ABCC1: variants seen among roughly 807,000 people sequenced by gnomAD.
ABCC1 encodes ATP binding cassette subfamily C member 1 (ABCC1 blood group).
In ABCC1, 83 loss-of-function variants were observed where a neutral mutation model predicts 172.9. That is an observed-to-expected ratio of 0.48 (90% CI 0.40 to 0.58). The LOEUF (loss-of-function observed/expected upper bound fraction) is 0.58. Ranked by LOEUF, ABCC1 falls within the 20% of genes least tolerant of loss-of-function variation. ABCC1 has a pLI of 0.00. For missense variants in ABCC1, 1,817 were observed against 2,002.7 expected (o/e 0.91, Z 1.77); for synonymous variants, 937 against 825.2 (o/e 1.14, Z -2.32).
chr16:16,113,821 C>A (rs545994896), intron 22 of ABCC1, among the ~76,000 whole-genome samples: 2 of 152,124 alleles, frequency 1.3e-5, no homozygotes, highest in Non-Finnish European at 2.9e-5. Flanking sequence ...GTGGTGATTT[C>A]GGGATGAAAC....
At chr16:16,010,632 T>C (rs45521934) in intron 3 of ABCC1, among the ~76,000 whole-genome samples, 27,090 of 152,180 alleles carry the variant, frequency 0.18, 2,721 homozygotes, top group African/African-American at 0.25. Context: ...GAAACAACTT[T>C]ATTAATTACA....
chr16:15,987,866 G>C (rs948633028), intron 1 of ABCC1, among the ~76,000 whole-genome samples: 10 of 152,126 alleles, frequency 6.6e-5, no homozygotes, highest in Non-Finnish European at 1.0e-4. Flanking sequence ...TCTGACTTCA[G>C]GACCTTTGCA....
At position 15,991,464 on chromosome 16, in the gene ABCC1, T is replaced by C. The variant is rs557317372; in HGVS notation, c.49-16352T>C. ...AAGAGTAGCCCCAGCGAGCTCAGGG[T>C]TGAGTGAAGTTCCGCAAGGATGGCA... On this transcript the variant is annotated intron_variant, in intron 1 of 30. Coordinates refer to ENST00000399410, the MANE Select transcript of ABCC1 (RefSeq NM_004996.4). Among the ~76,000 whole-genome samples the C allele has an allele frequency of 2.5e-3, 373 of 152,144 alleles. 1 individual carries two copies. Among genetic ancestry groups the C allele is most frequent in the African/African-American group, 8.6e-3 (356 of 41,520 alleles).
In ABCC1 at chr16:16,007,912, T is replaced by C. The variant is rs1213779535; in HGVS notation, c.145T>C (p.Cys49Arg). 6.2e-7 allele frequency: 1 copy of C among 1,613,176 alleles called. No individual in the cohort carries two copies. The highest frequency in any genetic ancestry group is 8.5e-7 in the Non-Finnish European group (1 of 1,179,770). The change falls in exon 2 of 31, where the codon TGT becomes CGT. Residue 49 changes from cysteine to arginine, a missense_variant. This residue lies in a region of ABCC1 where 398 missense variants were observed against 384.2 expected (regional missense o/e 1.04). Coordinates refer to ENST00000399410, the MANE Select transcript of ABCC1 (RefSeq NM_004996.4). ...GGTGCCTTGTTTTTACCTCTGGGCC[T>C]GTTTCCCCTTCTACTTCCTCTATCT... is the stretch of plus-strand genomic sequence containing the variant. ...VWVPCFYLWA[C>R]FPFYFLYLSR...
At chr16:16,003,883 TTGG>T (rs1567303007) in intron 1 of ABCC1, among the ~76,000 whole-genome samples, 30 of 144,746 alleles carry the variant, frequency 2.1e-4, no homozygotes, top group African/African-American at 7.0e-4. Context: ...GATGAATGAA[TTGG>T]TGGGTGGGTG....
chr16:15,987,925 G>A (rs75986295), intron 1 of ABCC1, among the ~76,000 whole-genome samples: 2,309 of 152,138 alleles, frequency 0.015, 71 homozygotes, highest in African/African-American at 0.052. Context: ...TGGCCATTTG[G>A]TTTACTCCTC....
At position 16,106,459 on chromosome 16, in the gene ABCC1, A is replaced by G. The variant is rs1596511445; in HGVS notation, c.2736-279A>G. 16 of 266,162 alleles carry G rather than the reference A, an allele frequency of 6.0e-5. No individual in the cohort carries two copies. The East Asian group carries it at 1.0e-3, about 17-fold the overall frequency. 16.5% of individuals were successfully genotyped at this position (266,162 alleles called of 1,614,324 possible). On this transcript the variant is annotated intron_variant, in intron 20 of 30. Coordinates refer to ENST00000399410, the MANE Select transcript of ABCC1 (RefSeq NM_004996.4). ...ACGCACTTTTTATATACCAGTTGTC[A>G]TGGGCTTTTTGCAGGCCCCCAGAGA...
Position 16,005,581 on chromosome 16 carries a change from C to T in ABCC1, c.49-2235C>T, listed in dbSNP as rs186556703. 5.9e-4 allele frequency among the ~76,000 whole-genome samples: 89 copies of T among 152,040 alleles called. No homozygotes were observed. The East Asian group carries it at 9.8e-3, about 17-fold the overall frequency. Reference sequence around the variant, plus strand: ...CAGGATGGTCTTGATCTCCTGACCTCGTGATCCTCCTGCCTCGGCCTCCCA... The same window carrying T: ...CAGGATGGTCTTGATCTCCTGACCTTGTGATCCTCCTGCCTCGGCCTCCCA... On this transcript the variant is annotated intron_variant, in intron 1 of 30. Coordinates refer to ENST00000399410, the MANE Select transcript of ABCC1 (RefSeq NM_004996.4).
At chr16:16,091,619 G>A (rs1041633357) in intron 19 of ABCC1, among the ~76,000 whole-genome samples, 2 of 152,068 alleles carry the variant, frequency 1.3e-5, no homozygotes, top group Non-Finnish European at 2.9e-5. Flanking sequence ...CAGTACAAAG[G>A]CCTCAGGACC....
At chr16:15,999,334 C>CGG (rs1567298073) in intron 1 of ABCC1, among the ~76,000 whole-genome samples, 1 of 151,902 alleles carries the variant, frequency 6.6e-6, no homozygotes, top group African/African-American at 2.4e-5. Context: ...AATGGGGTCT[C>CGG]GCTGGGTGCG....
At chr16:15,996,801 G>T (rs2047070087) in intron 1 of ABCC1, among the ~76,000 whole-genome samples, 1 of 152,156 alleles carries the variant, frequency 6.6e-6, no homozygotes, top group African/African-American at 2.4e-5. Flanking sequence ...GCAGGTCAAG[G>T]CCAGGGTCAT....
chr16:15,974,756 C>T (rs1035890492), intron 1 of ABCC1, among the ~76,000 whole-genome samples: 1 of 152,102 alleles, frequency 6.6e-6, no homozygotes, highest in African/African-American at 2.4e-5. Context: ...GTCTTAGAAT[C>T]AATGCAGTAT....
chr16:16,049,998 C>A (rs1313821409), intron 10 of ABCC1, among the ~76,000 whole-genome samples: 1 of 152,058 alleles, frequency 6.6e-6, no homozygotes, highest in Non-Finnish European at 1.5e-5. Context: ...CCAGCCCACT[C>A]CCTGAAATAG....
chr16:16,069,169 AAAAT>A (rs56098532), intron 13 of ABCC1, among the ~76,000 whole-genome samples: 14,903 of 107,388 alleles, frequency 0.14, 901 homozygotes, highest in Middle Eastern at 0.28. Flanking sequence ...AAATAAAATA[AAAAT>A]AAATAAATAA....
chr16:15,980,604 A>G (rs1406151797), intron 1 of ABCC1, among the ~76,000 whole-genome samples: 4 of 152,156 alleles, frequency 2.6e-5, no homozygotes, highest in African/African-American at 9.7e-5. Flanking sequence ...AACTGCCCCC[A>G]TGATTGAATT....
chr16:16,024,801 C>T (rs1597134209), intron 5 of ABCC1, among the ~76,000 whole-genome samples: 1 of 152,210 alleles, frequency 6.6e-6, no homozygotes, highest in East Asian at 1.9e-4. Context: ...AGGTCGGTGG[C>T]ACTTAAAAAG....
intron 4 of ABCC1, 60 bp from the exon 5 acceptor site, chr16:16,016,436 G>T: frequency 6.2e-7 from 1 of 1,603,792 alleles, no homozygotes; most frequent in African/African-American, 1.3e-5. Flanking sequence ...TTACAGGCGT[G>T]AGCCACCACA....
At chr16:16,087,083 T>G in intron 18 of ABCC1, 92 bp downstream of exon 18, 1 of 1,384,918 alleles carries the variant, frequency 7.2e-7, no homozygotes, top group Non-Finnish European at 9.8e-7. Flanking sequence ...TTACTTTCTC[T>G]GGCTTTCTTT....
intron 1 of ABCC1, among the ~76,000 whole-genome samples, chr16:16,001,357 C>T (rs553883336): frequency 5.8e-4 from 89 of 152,224 alleles, no homozygotes; most frequent in African/African-American, 1.9e-3. Context: ...GGACTACAGG[C>T]GCCCGCCACC....
Sources: allele counts gnomAD v4.1 joint callset (sites outside exome capture counted in the v4.1 genomes callset), GRCh38; gene constraint gnomAD v4.1.1; regional missense constraint gnomAD v4.1.1; transcripts MANE v1.5; gene names NCBI Gene and HGNC (gene_info 2026-07-23, HGNC 2026-07-21).